The following MAD1L1 variants were observed in gnomAD, a reference collection of about 807,000 sequenced individuals.
The protein encoded by MAD1L1 is mitotic arrest deficient 1 like 1.
A neutral mutation model predicts 96.9 loss-of-function variants in MAD1L1; 95 were observed. The ratio of observed to expected loss-of-function variants is 0.98; its 90% CI spans 0.83 to 1.16. The LOEUF is 1.16. Ranked by LOEUF, MAD1L1 falls within the 50% of genes most tolerant of loss-of-function variation. The pLI is 0.00. For missense variants in MAD1L1, 1,007 were observed against 954.4 expected, an observed-to-expected ratio of 1.06 and a Z score of -0.73; for synonymous variants, 473 against 396.6, an observed-to-expected ratio of 1.19 and a Z score of -2.29.
At chr7:2,102,960 T>A (rs1232599787) in intron 11 of MAD1L1, among the ~76,000 whole-genome samples, 1 of 152,150 alleles carries the variant, frequency 6.6e-6, no homozygotes, top group African/African-American at 2.4e-5. Context: ...AGAAAACAGG[T>A]TCGGCAGAGG....
chr7:2,070,450 C>T (rs532400317), intron 11 of MAD1L1, among the ~76,000 whole-genome samples: 4 of 152,120 alleles, frequency 2.6e-5, no homozygotes, highest in African/African-American at 7.2e-5. Flanking sequence ...AGAGGCCGCC[C>T]GAGAGGAGGA....
intron 17 of MAD1L1, among the ~76,000 whole-genome samples, chr7:1,918,384 G>C (rs759106100): frequency 6.6e-6 from 1 of 152,122 alleles, no homozygotes; most frequent in Non-Finnish European, 1.5e-5. Context: ...ATCCTCCCTC[G>C]GCTCCGTCTT....
chr7:2,060,070 GATACGCTGATGCCA>G (rs1784572059), intron 12 of MAD1L1, among the ~76,000 whole-genome samples: 3 of 151,598 alleles, frequency 2.0e-5, no homozygotes, highest in Non-Finnish European at 1.5e-5. Flanking sequence ...GAGGTATCAA[GATACGCTGATGCCA>G]AGATACGCTG....
intron 12 of MAD1L1, among the ~76,000 whole-genome samples, chr7:2,054,363 A>G (rs758444422): frequency 1.3e-5 from 2 of 152,150 alleles, no homozygotes; most frequent in Non-Finnish European, 2.9e-5. Context: ...CCACAACCCA[A>G]CCTTCATCAT....
chr7:1,880,561 T>G (rs1316781271), intron 18 of MAD1L1, among the ~76,000 whole-genome samples: 1 of 152,206 alleles, frequency 6.6e-6, no homozygotes, highest in Non-Finnish European at 1.5e-5. Flanking sequence ...CTTCCTGCAG[T>G]CACAGTGGGC....
chr7:1,881,547 C>G (rs941252556), intron 18 of MAD1L1, among the ~76,000 whole-genome samples: 6 of 152,196 alleles, frequency 3.9e-5, no homozygotes, highest in African/African-American at 9.7e-5. Flanking sequence ...AAAAGAGGAG[C>G]TGGCTAAATG....
rs2114988299 is a variant in MAD1L1 at position 2,213,292 on chromosome 7, C to T, written c.925-19G>A. The T allele has an allele frequency of 6.2e-7, 1 of 1,612,866 alleles. No individual in the cohort carries two copies. Among genetic ancestry groups the T allele is most frequent in the East Asian group, 2.2e-5 (1 of 44,866 alleles). On this transcript the variant is annotated intron_variant, in intron 9 of 18. Transcript: ENST00000265854. ...GCAGCCTCTGAAAAGACAACAAAAG[C>T]ACAGACCCTGTCATCACCTGCCACA...
chr7:2,107,086 G>A (rs551741584), intron 11 of MAD1L1, among the ~76,000 whole-genome samples: 8 of 152,348 alleles, frequency 5.3e-5, no homozygotes, highest in African/African-American at 1.7e-4. Context: ...CTGGCTGCCT[G>A]GGACAGCCGG....
chr7:1,913,443 A>AGGGAGCGAAGGAAGT (rs57726885), intron 17 of MAD1L1, among the ~76,000 whole-genome samples: 1 of 151,962 alleles, frequency 6.6e-6, no homozygotes, highest in East Asian at 1.9e-4. Flanking sequence ...GGCCTGGAGA[A>AGGGAGCGAAGGAAGT]GGGAACCGTC....
chr7:1,966,775 C>A (rs139550769), intron 15 of MAD1L1, among the ~76,000 whole-genome samples: 1 of 152,208 alleles, frequency 6.6e-6, no homozygotes, highest in East Asian at 1.9e-4. Flanking sequence ...GCAGGAACCG[C>A]GGTGAGGAGG....
At chr7:1,864,532 G>A (rs1462116063) in intron 18 of MAD1L1, among the ~76,000 whole-genome samples, 1 of 152,242 alleles carries the variant, frequency 6.6e-6, no homozygotes, top group Non-Finnish European at 1.5e-5. Context: ...TGACACAGTT[G>A]CTGGGCAATT....
intron 11 of MAD1L1, among the ~76,000 whole-genome samples, chr7:2,129,799 C>G (rs1788423797): frequency 6.6e-6 from 1 of 152,238 alleles, no homozygotes; most frequent in South Asian, 2.1e-4. Context: ...AACGGCCTCC[C>G]CCAGGATCCT....
chr7:1,942,024 TC>T (rs1779025346), intron 16 of MAD1L1, among the ~76,000 whole-genome samples: 2 of 152,072 alleles, frequency 1.3e-5, no homozygotes, highest in South Asian at 4.1e-4. Flanking sequence ...CCCGCTCACG[TC>T]CCCACCGTGA....
At chr7:2,051,198 C>T (rs940092492) in intron 12 of MAD1L1, among the ~76,000 whole-genome samples, 2 of 152,150 alleles carry the variant, frequency 1.3e-5, no homozygotes, top group Non-Finnish European at 2.9e-5. Flanking sequence ...TGCTTGTGTC[C>T]CCCCGAGGCT....
intron 18 of MAD1L1, among the ~76,000 whole-genome samples, chr7:1,879,434 G>A (rs1270093055): frequency 7.6e-6 from 1 of 132,370 alleles, no homozygotes; most frequent in African/African-American, 3.0e-5. Context: ...CAGCCTGAGT[G>A]ACAAGAGTGA....
At chr7:1,967,272 C>T (rs762290349) in intron 15 of MAD1L1, among the ~76,000 whole-genome samples, 3 of 152,128 alleles carry the variant, frequency 2.0e-5, no homozygotes, top group Non-Finnish European at 2.9e-5. Flanking sequence ...AGATGCCCAT[C>T]TGCTAAATTA....
At chr7:1,821,283 A>G (rs1782113274) in intron 18 of MAD1L1, among the ~76,000 whole-genome samples, 1 of 152,094 alleles carries the variant, frequency 6.6e-6, no homozygotes, top group African/African-American at 2.4e-5. Flanking sequence ...TAGTCCTATA[A>G]CCATTAAATA....
intron 12 of MAD1L1, among the ~76,000 whole-genome samples, chr7:2,031,177 AC>A (rs1192506511): frequency 6.6e-6 from 1 of 152,170 alleles, no homozygotes. Context: ...GAGAGGAAGC[AC>A]GGGGTCCTCT....
At chr7:2,032,937 G>A (rs556035403) in intron 12 of MAD1L1, among the ~76,000 whole-genome samples, 14 of 152,354 alleles carry the variant, frequency 9.2e-5, no homozygotes, top group Middle Eastern at 6.8e-3. Context: ...GGGGCAAGGC[G>A]CCCCCGCAGA....
Sources: gnomAD v4.1 joint callset for allele counts (sites outside exome capture counted in the v4.1 genomes callset) on GRCh38, gnomAD v4.1.1 for gene constraint, MANE v1.5 for transcripts, NCBI Gene and HGNC (gene_info 2026-07-23, HGNC 2026-07-21) for gene names.